The following ANO10 variants were observed in gnomAD, a reference collection of about 807,000 sequenced individuals.
ANO10 encodes anoctamin-10.
Under a neutral mutation model 74.7 loss-of-function variants are expected in ANO10, and 77 were observed. The observed-to-expected ratio is 1.03, with a 90% CI of 0.86 to 1.25. The LOEUF is 1.25. ANO10 is among the 50% of genes most tolerant of loss of function. The pLI is 0.00. For synonymous variants in ANO10, 279 were observed against 284.9 expected (o/e 0.98, Z 0.21); for missense variants, 721 against 778.1 (o/e 0.93, Z 0.87).
intron 7 of ANO10, among the ~76,000 whole-genome samples, chr3:43,570,128 G>C (rs2080618736): frequency 1.4e-5 from 2 of 143,646 alleles, no homozygotes; most frequent in African/African-American, 5.2e-5. Flanking sequence ...ACTTACAAGG[G>C]ATGTGAAGGA....
chr3:43,563,420 T>A (rs1229601419), intron 8 of ANO10, among the ~76,000 whole-genome samples: 3 of 4,472 alleles, frequency 6.7e-4, no homozygotes, highest in Non-Finnish European at 3.4e-3. Flanking sequence ...GGCGAGAGGT[T>A]TTTTTTTTTT....
rs191747902 is a variant in ANO10 at position 43,477,912 on chromosome 3, T to C, written c.1798-45185A>G. 2.0e-5 allele frequency among the ~76,000 whole-genome samples: 3 copies of C among 152,210 alleles called. No individual in the cohort carries two copies. The East Asian group carries it at 5.8e-4, about 29-fold the overall frequency. ...CCAACCTGCACACCAGAGGCACACA[T>C]AGGGAGTGAGGGAGGAATGTTGAGA... On this transcript the variant is annotated intron_variant, in intron 11 of 12. Transcript: ENST00000292246.
chr3:43,539,353 A>T (rs1264827117), intron 11 of ANO10, among the ~76,000 whole-genome samples: 4 of 152,234 alleles, frequency 2.6e-5, no homozygotes, highest in Non-Finnish European at 5.9e-5. Flanking sequence ...CTAGAAAAAA[A>T]AAATAAAACC....
chr3:43,559,544 G>A (rs1047163252), intron 9 of ANO10, among the ~76,000 whole-genome samples: 6 of 152,118 alleles, frequency 3.9e-5, no homozygotes, highest in African/African-American at 1.4e-4. Context: ...GTTCAAAATA[G>A]GCAAGTTGCT....
chr3:43,542,203 T>C (rs1371429551), intron 11 of ANO10, among the ~76,000 whole-genome samples: 1 of 152,058 alleles, frequency 6.6e-6, no homozygotes, highest in African/African-American at 2.4e-5. Context: ...TATGTCTAGA[T>C]GAGAAATGGT....
chr3:43,566,438 C>T (rs1380335202), intron 7 of ANO10, among the ~76,000 whole-genome samples: 7 of 152,232 alleles, frequency 4.6e-5, no homozygotes, highest in African/African-American at 1.7e-4. Context: ...ATATCCCTGT[C>T]TGACAGCTTG....
intron 1 of ANO10, among the ~76,000 whole-genome samples, chr3:43,672,958 T>C (rs1352998556): frequency 6.6e-6 from 1 of 152,238 alleles, no homozygotes; most frequent in Non-Finnish European, 1.5e-5. Flanking sequence ...CAATCAGCTC[T>C]CATGAACAGA....
chr3:43,457,834 C>A (rs970893988), intron 11 of ANO10, among the ~76,000 whole-genome samples: 1 of 152,152 alleles, frequency 6.6e-6, no homozygotes, highest in East Asian at 1.9e-4. Context: ...GAGGAGCTGC[C>A]ACTTGAAATG....
chr3:43,479,432 T>A lies in ANO10; in HGVS notation c.1798-46705A>T, dbSNP rs986626536. Among the ~76,000 whole-genome samples, 26 of 152,074 alleles carry A rather than the reference T, an allele frequency of 1.7e-4. 1 individual carries two copies. The highest frequency in any genetic ancestry group is 2.9e-5 in the Non-Finnish European group (2 of 68,010). On this transcript the variant is annotated intron_variant, in intron 11 of 12. Transcript: ENST00000292246. ...AGTTGGTCAATCTAAAGTTCAATAATCTATGAAAAATTACCAAATTCACAG... is the reference window on the plus strand; with the variant it reads ...AGTTGGTCAATCTAAAGTTCAATAAACTATGAAAAATTACCAAATTCACAG...
intron 1 of ANO10, among the ~76,000 whole-genome samples, chr3:43,668,934 C>T (rs1193941650): frequency 6.6e-6 from 1 of 151,978 alleles, no homozygotes; most frequent in Non-Finnish European, 1.5e-5. Flanking sequence ...TGCATTTTAT[C>T]TTCTAAGCAT....
At chr3:43,508,963 G>A (rs150981651) in intron 11 of ANO10, among the ~76,000 whole-genome samples, 11 of 145,492 alleles carry the variant, frequency 7.6e-5, no homozygotes, top group South Asian at 2.2e-4. Context: ...AAAAAGAAAA[G>A]AAAAAAAGAA....
intron 12 of ANO10, among the ~76,000 whole-genome samples, chr3:43,378,018 C>T (rs1052017539): frequency 3.3e-5 from 5 of 152,120 alleles, no homozygotes; most frequent in African/African-American, 1.2e-4. Flanking sequence ...TATGAGGGGA[C>T]ACAATTTCAC....
intron 11 of ANO10, among the ~76,000 whole-genome samples, chr3:43,530,953 A>C (rs761163805): frequency 2.3e-4 from 35 of 152,160 alleles, no homozygotes; most frequent in Non-Finnish European, 4.6e-4. Flanking sequence ...CTCCTTGGGC[A>C]CACACAGAAT....
chr3:43,432,879 A>G lies in ANO10; in HGVS notation c.1798-152T>C, dbSNP rs191714272. On this transcript the variant is annotated intron_variant, in intron 11 of 12. Transcript: ENST00000292246. ...GAAGTATCAAAGACCAAGCAGGCCC[A>G]TGAGTTGTACTGAGTGAGTCCACCC... The G allele has an allele frequency of 2.9e-5, 17 of 587,290 alleles. No individual in the cohort carries two copies. The African/African-American group carries it at 3.0e-4, about 10-fold the overall frequency. The allele number at this position is 587,290 out of a possible 1,614,324, so 36.4% of individuals were successfully genotyped here.
At chr3:43,376,624 G>A (rs950272344) in intron 12 of ANO10, among the ~76,000 whole-genome samples, 1 of 152,190 alleles carries the variant, frequency 6.6e-6, no homozygotes, top group African/African-American at 2.4e-5. Flanking sequence ...TCCCAGATGG[G>A]AGGACCAAAA....
intron 1 of ANO10, among the ~76,000 whole-genome samples, chr3:43,609,543 G>A (rs182498239): frequency 3.4e-4 from 52 of 152,230 alleles, no homozygotes; most frequent in African/African-American, 1.2e-3. Context: ...AACCATTTAC[G>A]GTCATACATC....
chr3:43,388,299 C>G (rs2092182960), intron 12 of ANO10, among the ~76,000 whole-genome samples: 1 of 152,052 alleles, frequency 6.6e-6, no homozygotes, highest in African/African-American at 2.4e-5. Context: ...GTTTTGAGAA[C>G]TGCAGTGATT....
At chr3:43,488,028 A>C (rs1200806352) in intron 11 of ANO10, among the ~76,000 whole-genome samples, 1 of 152,184 alleles carries the variant, frequency 6.6e-6, no homozygotes. Flanking sequence ...ATCTACAACT[A>C]TCTGATCTTT....
At chr3:43,470,618 T>TTATTTATG (rs2075815899) in intron 11 of ANO10, among the ~76,000 whole-genome samples, 1 of 149,182 alleles carries the variant, frequency 6.7e-6, no homozygotes, top group African/African-American at 2.4e-5. Flanking sequence ...ATTTATTTAT[T>TTATTTATG]TATTTATTTA....
Sources: gnomAD v4.1 joint callset for allele counts (sites outside exome capture counted in the v4.1 genomes callset) on GRCh38, gnomAD v4.1.1 for gene constraint, MANE v1.5 for transcripts, NCBI Gene and HGNC (gene_info 2026-07-23, HGNC 2026-07-21) for gene names.